The following NAALADL2 variants were observed in gnomAD, a reference collection of about 807,000 sequenced individuals.
NAALADL2 encodes the protein inactive N-acetylated-alpha-linked acidic dipeptidase-like protein 2.
A neutral mutation model predicts 87.2 loss-of-function variants in NAALADL2; 76 were observed. The ratio of observed to expected loss-of-function variants is 0.87; its 90% CI spans 0.72 to 1.05. NAALADL2 has a LOEUF of 1.05. Among genes scored for constraint, NAALADL2 ranks in the 50% least tolerant of loss-of-function variants. The pLI, the probability that NAALADL2 is intolerant of heterozygous loss-of-function variation, is 0.00. For synonymous variants in NAALADL2, 354 were observed against 331.0 expected, an observed-to-expected ratio of 1.07 and a Z score of -0.75; for missense variants, 1,089 against 945.8, an observed-to-expected ratio of 1.15 and a Z score of -1.99.
chr3:175,420,065 C>T (rs1490796620), intron 5 of NAALADL2, among the ~76,000 whole-genome samples: 2 of 151,778 alleles, frequency 1.3e-5, no homozygotes, highest in Non-Finnish European at 2.9e-5. Context: ...ATTGACCTAA[C>T]CCAATAAATA....
chr3:175,468,614 T>C (rs1409739101), intron 8 of NAALADL2, among the ~76,000 whole-genome samples: 1 of 152,056 alleles, frequency 6.6e-6, no homozygotes, highest in African/African-American at 2.4e-5. Context: ...TCAAACTATA[T>C]TTTAGGTCTT....
chr3:174,797,292 GTTTTTCTTTTTTCTTTTTT>G (rs1206068083), intron 3 of NAALADL2, among the ~76,000 whole-genome samples: 1 of 109,644 alleles, frequency 9.1e-6, no homozygotes, highest in African/African-American at 3.8e-5. Context: ...TTTTTCTTTT[GTTTTTCTTTTTTCTTTTTT>G]TTTTTTTTTT....
chr3:174,488,691 T>G (rs1398226624), intron 1 of NAALADL2, among the ~76,000 whole-genome samples: 8 of 152,010 alleles, frequency 5.3e-5, no homozygotes, highest in Admixed American at 5.3e-4. Context: ...CATATTCACT[T>G]TGTCTGCATG....
At chr3:174,456,233 T>G (rs185705593) in intron 1 of NAALADL2, among the ~76,000 whole-genome samples, 3 of 152,020 alleles carry the variant, frequency 2.0e-5, no homozygotes, top group Admixed American at 2.0e-4. Flanking sequence ...TAGAAGAACA[T>G]TCCATGCTTA....
At chr3:174,756,497 A>T (rs938207393) in intron 3 of NAALADL2, among the ~76,000 whole-genome samples, 2 of 152,236 alleles carry the variant, frequency 1.3e-5, no homozygotes, top group Non-Finnish European at 2.9e-5. Context: ...GCTTTAAAAA[A>T]ATTTCTGCAA....
At chr3:175,342,624 T>G in intron 5 of NAALADL2, among the ~76,000 whole-genome samples, 1 of 152,104 alleles carries the variant, frequency 6.6e-6, no homozygotes, top group East Asian at 1.9e-4. Flanking sequence ...AATTTTCTAA[T>G]GTAGATGTTC....
chr3:174,935,205 C>G (rs1737516629), intron 1 of NAALADL2, among the ~76,000 whole-genome samples: 1 of 152,104 alleles, frequency 6.6e-6, no homozygotes, highest in African/African-American at 2.4e-5. Flanking sequence ...AATGTTCTGA[C>G]TCAGCAAGTG....
chr3:174,672,502 T>G (rs1368232074), intron 2 of NAALADL2, among the ~76,000 whole-genome samples: 2 of 151,986 alleles, frequency 1.3e-5, no homozygotes, highest in Non-Finnish European at 2.9e-5. Flanking sequence ...TCTAGCAAGA[T>G]AAGTAAATAA....
At chr3:175,734,673 T>G (rs923515533) in intron 11 of NAALADL2, among the ~76,000 whole-genome samples, 24 of 152,316 alleles carry the variant, frequency 1.6e-4, no homozygotes, top group African/African-American at 5.8e-4. Flanking sequence ...TTCCACCCTC[T>G]GAAGCAGCAG....
At chr3:175,088,778 A>G (rs562907066) in intron 1 of NAALADL2, among the ~76,000 whole-genome samples, 38 of 152,222 alleles carry the variant, frequency 2.5e-4, no homozygotes, top group Non-Finnish European at 5.1e-4. Flanking sequence ...CAGTGTATCT[A>G]TCAAGCTATG....
chr3:174,657,837 A>G (rs186327579), intron 2 of NAALADL2, among the ~76,000 whole-genome samples: 1,615 of 152,030 alleles, frequency 0.011, 31 homozygotes, highest in African/African-American at 0.037. Flanking sequence ...TACAGACTTC[A>G]TTATTTTGCC....
intron 1 of NAALADL2, among the ~76,000 whole-genome samples, chr3:174,447,512 T>C (rs1280146923): frequency 6.6e-6 from 1 of 152,078 alleles, no homozygotes; most frequent in African/African-American, 2.4e-5. Flanking sequence ...CAGTGCAAAA[T>C]ACATGATTTT....
At chr3:174,892,221 C>T (rs1730941457) in intron 1 of NAALADL2, among the ~76,000 whole-genome samples, 1 of 152,138 alleles carries the variant, frequency 6.6e-6, no homozygotes, top group Admixed American at 6.5e-5. Context: ...ACCAAATCTA[C>T]TAAATAAGGC....
At chr3:175,025,591 A>G (rs1752129665) in intron 1 of NAALADL2, among the ~76,000 whole-genome samples, 1 of 152,184 alleles carries the variant, frequency 6.6e-6, no homozygotes, top group South Asian at 2.1e-4. Context: ...CTAACTGTTT[A>G]TTTCCAAACT....
chr3:175,761,884 A>G (rs527257194), intron 13 of NAALADL2, among the ~76,000 whole-genome samples: 2 of 152,204 alleles, frequency 1.3e-5, no homozygotes, highest in South Asian at 2.1e-4. Flanking sequence ...ACGTATTTTT[A>G]TATTTTGGAC....
chr3:175,747,983 A>G (rs1391989773), intron 12 of NAALADL2, among the ~76,000 whole-genome samples: 1 of 152,096 alleles, frequency 6.6e-6, no homozygotes, highest in Non-Finnish European at 1.5e-5. Flanking sequence ...TTATTGGATA[A>G]TCTTTAGAAT....
intron 8 of NAALADL2, among the ~76,000 whole-genome samples, chr3:175,468,032 A>G (rs1403624770): frequency 6.6e-6 from 1 of 152,122 alleles, no homozygotes; most frequent in Admixed American, 6.6e-5. Flanking sequence ...TTTTTTCACT[A>G]CTTCAGCTCT....
intron 3 of NAALADL2, among the ~76,000 whole-genome samples, chr3:174,773,186 T>C (rs1403453): frequency 0.53 from 80,329 of 151,892 alleles, 21,628 homozygotes; most frequent in Middle Eastern, 0.65. Flanking sequence ...GTAATAGAGG[T>C]CCTTGGAGAG....
chr3:175,655,066 A>T (rs966997496), intron 11 of NAALADL2, among the ~76,000 whole-genome samples: 1 of 152,158 alleles, frequency 6.6e-6, no homozygotes, highest in Admixed American at 6.5e-5. Flanking sequence ...TTATTACAAT[A>T]GGATAGTATG....
Sources: allele counts gnomAD v4.1 joint callset (sites outside exome capture counted in the v4.1 genomes callset), GRCh38; gene constraint gnomAD v4.1.1; transcripts MANE v1.5; gene names NCBI Gene and HGNC (gene_info 2026-07-23, HGNC 2026-07-21).